VPS33B: variants seen among roughly 807,000 people sequenced by gnomAD.
VPS33B encodes the protein vacuolar protein sorting-associated protein 33B.
In VPS33B, 80 loss-of-function variants were observed where a neutral mutation model predicts 95.3. That is an observed-to-expected ratio of 0.84 (90% CI 0.70 to 1.01). VPS33B has a LOEUF of 1.01. Ranked by LOEUF, VPS33B falls within the 50% of genes least tolerant of loss-of-function variation. VPS33B has a pLI of 0.00. For synonymous variants in VPS33B, 280 were observed against 280.4 expected (o/e 1.00, Z 0.01); for missense variants, 715 against 773.4 (o/e 0.92, Z 0.90).
chr15:91,007,564 G>A lies in VPS33B; in HGVS notation c.508C>T (p.Gln170Ter), dbSNP rs139582205. ...TGAGCTACAGTGTTGATCCAACGCT[G>A]ATCTCCTTCCTGCAGGGACCACACA... The part of the protein sequence containing the change: ...FFRDYFLEGD[Q>*]RWINTVAQAL... Residue 170 changes from glutamine (Q) to a stop codon, truncating the protein, a stop_gained, in exon 8 of 23, where the codon CAG becomes TAG. Coordinates refer to ENST00000333371, the MANE Select transcript of VPS33B (RefSeq NM_018668.5). LOFTEE classifies it high-confidence loss of function. The surrounding 1 kb of genome is among the most constrained non-coding windows in gnomAD (Gnocchi z 5.3). The A allele has an allele frequency of 6.2e-7, 1 of 1,614,082 alleles. No homozygotes were observed. Among genetic ancestry groups the A allele is most frequent in the South Asian group, 1.1e-5 (1 of 91,074 alleles).
downstream of VPS33B, chr15:90,998,672 A>G (rs2040342557): frequency 4.5e-6 from 2 of 447,712 alleles, no homozygotes; most frequent in South Asian, 2.1e-5. The surrounding 1 kb of genome is among the most constrained non-coding windows in gnomAD (Gnocchi z 4.8). Flanking sequence ...CGACCAACGT[A>G]TTACATCTGA....
Position 91,022,509 on chromosome 15 carries a change from GTC to G in VPS33B, c.-262_-261del. On this transcript the variant is annotated 5_prime_UTR_variant, in exon 1 of 23. Transcript: ENST00000333371. ...CCTCCCTCCCTGATCCACTCTGCCC[GTC>G]AGCAGGATTCCGGTCTACACCCCGC... The G allele has an allele frequency of 5.5e-6, 2 of 365,878 alleles. No individual in the cohort carries two copies. Among genetic ancestry groups the G allele is most frequent in the Admixed American group, 4.3e-5 (1 of 23,150 alleles). 22.7% of individuals were successfully genotyped at this position (365,878 alleles called of 1,614,324 possible). A position where few individuals can be genotyped will look rare whatever the true frequency, so the allele number is the denominator to read the frequency against.
chr15:91,009,966 G>T lies in VPS33B; in HGVS notation c.358-120C>A. ...TTGCCGAACCCAGTGAAAGACAAGA[G>T]AACCCAGACTCTTAAGATCTAGAAA... On this transcript the variant is annotated intron_variant, in intron 5 of 22. Coordinates refer to ENST00000333371, the MANE Select transcript of VPS33B (RefSeq NM_018668.5). The surrounding 1 kb of genome is among the most constrained non-coding windows in gnomAD (Gnocchi z 4.1). 9.3e-7 allele frequency: 1 copy of T among 1,076,136 alleles called. No individual in the cohort carries two copies. Among genetic ancestry groups the T allele is most frequent in the Non-Finnish European group, 1.4e-6 (1 of 704,306 alleles). The allele number at this position is 1,076,136 out of a possible 1,614,324, so 66.7% of individuals were successfully genotyped here. A position where few individuals can be genotyped will look rare whatever the true frequency, so the allele number is the denominator to read the frequency against.
rs1432818958 is a variant in VPS33B, at chr15:91,018,777, C to T, written c.97-892G>A. On this transcript the variant is annotated intron_variant, in intron 1 of 22. Coordinates refer to ENST00000333371, the MANE Select transcript of VPS33B (RefSeq NM_018668.5). The surrounding 1 kb of genome is among the most constrained non-coding windows in gnomAD (Gnocchi z 4.7). ...CCCAAAAAGTCAACAGTATAGAGAG[C>T]AGGAAATCTTTTTTTTTAAATCTTA... 6.6e-6 allele frequency among the ~76,000 whole-genome samples: 1 copy of T among 151,958 alleles called. No individual in the cohort carries two copies. The highest frequency in any genetic ancestry group is 2.4e-5 in the African/African-American group (1 of 41,396).
intron 1 of VPS33B, among the ~76,000 whole-genome samples, chr15:91,019,692 A>C (rs1417893822): frequency 6.6e-6 from 1 of 152,244 alleles, no homozygotes; most frequent in African/African-American, 2.4e-5. Context: ...GAGTCCACTT[A>C]GGGAGTTAAT....
chr15:91,003,671 C>T (rs1260992940), intron 16 of VPS33B, among the ~76,000 whole-genome samples: 3 of 152,162 alleles, frequency 2.0e-5, no homozygotes, highest in Non-Finnish European at 2.9e-5. Context: ...AACTCCTGAT[C>T]TCAAGATCCG....
chr15:91,022,254 G>C lies in VPS33B; in HGVS notation c.-5C>G. The C allele has an allele frequency of 1.3e-6, 2 of 1,555,000 alleles. No individual in the cohort carries two copies. The highest frequency in any genetic ancestry group is 4.7e-5 in the East Asian group (2 of 42,234). The stretch of plus-strand genomic sequence containing the variant: ...CGGCCGATGGGGAAAAGCCATGGCA[G>C]CGGTCACCTGCGCCGCGGGGTGGAA... On this transcript the variant is annotated 5_prime_UTR_variant, in exon 1 of 23. Coordinates refer to ENST00000333371, the MANE Select transcript of VPS33B (RefSeq NM_018668.5).
Position 91,011,266 on chromosome 15 carries a change from G to T in VPS33B, c.358-1420C>A, listed in dbSNP as rs1436444333. 6.6e-6 allele frequency among the ~76,000 whole-genome samples: 1 copy of T among 152,212 alleles called. No individual in the cohort carries two copies. Among genetic ancestry groups the T allele is most frequent in the East Asian group, 1.9e-4 (1 of 5,194 alleles). On this transcript the variant is annotated intron_variant, in intron 5 of 22. Coordinates refer to ENST00000333371, the MANE Select transcript of VPS33B (RefSeq NM_018668.5). This position sits in a 1 kb window ranked among gnomAD's most constrained non-coding sequence, Gnocchi z 5.5. Reference sequence around the variant, plus strand: ...GTTGACATTATTAACAGCTAATGTTGTAAGCCCTTAAAATGGTTTAGGCAT... The same window carrying T: ...GTTGACATTATTAACAGCTAATGTTTTAAGCCCTTAAAATGGTTTAGGCAT...
chr15:91,008,714 GAC>G (rs976341088), intron 6 of VPS33B, among the ~76,000 whole-genome samples: 9 of 152,136 alleles, frequency 5.9e-5, no homozygotes, highest in African/African-American at 1.9e-4. Context: ...GACAAATTAT[GAC>G]ACAAACTATT....
At position 91,015,280 on chromosome 15, in the gene VPS33B, G is replaced by A. The variant is rs1373133065; in HGVS notation, c.240-847C>T. The stretch of plus-strand genomic sequence containing the variant: ...GAACCCAGGAGGTGGAGGTTACAGT[G>A]AGCCCAGATCGCGCCATTGCTCTCC... On this transcript the variant is annotated intron_variant, in intron 3 of 22. Transcript: ENST00000333371. This position sits in a 1 kb window ranked among gnomAD's most constrained non-coding sequence, Gnocchi z 4.7. 6.6e-6 allele frequency among the ~76,000 whole-genome samples: 1 copy of A among 152,054 alleles called. No individual in the cohort carries two copies. The highest frequency in any genetic ancestry group is 1.5e-5 in the Non-Finnish European group (1 of 68,036).
At position 90,999,182 on chromosome 15, in the gene VPS33B, T is replaced by C; in HGVS notation, c.1775-128A>G. 1.2e-6 allele frequency: 1 copy of C among 854,316 alleles called. No individual in the cohort carries two copies. Among genetic ancestry groups the C allele is most frequent in the East Asian group, 2.6e-5 (1 of 37,920 alleles). The allele number at this position is 854,316 out of a possible 1,614,324, so 52.9% of individuals were successfully genotyped here. On this transcript the variant is annotated intron_variant, in intron 22 of 22. Coordinates refer to ENST00000333371, the MANE Select transcript of VPS33B (RefSeq NM_018668.5). This position sits in a 1 kb window ranked among gnomAD's most constrained non-coding sequence, Gnocchi z 5.1. ...ACCAGTTTATAGACAGAGACGTGAG[T>C]GCCATGCTCTTGGGCACCACTGCTT...
Position 91,006,668 on chromosome 15 carries a change from G to A in VPS33B, c.762C>T (p.Thr254=). 6.2e-7 allele frequency: 1 copy of A among 1,614,184 alleles called. No homozygotes were observed. Among genetic ancestry groups the A allele is most frequent in the Non-Finnish European group, 8.5e-7 (1 of 1,180,044 alleles). ...AGCACTTACCACACTTGATGCGGAAGGTGTCATCTACTAGGCCCTCATAAA... is the reference window on the plus strand; with the variant it reads ...AGCACTTACCACACTTGATGCGGAAAGTGTCATCTACTAGGCCCTCATAAA... ...QVVYEGLVDD[T]FRIKCGSVDF... The change falls in exon 10 of 23, where the codon ACC becomes ACT. Residue 254 remains threonine (T), a synonymous_variant. Coordinates refer to ENST00000333371, the MANE Select transcript of VPS33B (RefSeq NM_018668.5). The surrounding 1 kb of genome is among the most constrained non-coding windows in gnomAD (Gnocchi z 5.4).
In VPS33B at chr15:91,010,260, GAC is replaced by G. The variant is rs1489549686; in HGVS notation, c.358-416_358-415del. Reference sequence around the variant, plus strand: ...AGGACATGCCCACGGGACCTTGGGAGACACAGACAAGGACTTGGGATTAAGTA... The same window carrying G: ...AGGACATGCCCACGGGACCTTGGGAGACAGACAAGGACTTGGGATTAAGTA... On this transcript the variant is annotated intron_variant, in intron 5 of 22. Transcript: ENST00000333371. The surrounding 1 kb of genome is among the most constrained non-coding windows in gnomAD (Gnocchi z 5.7). 6.6e-6 allele frequency among the ~76,000 whole-genome samples: 1 copy of G among 152,216 alleles called. No individual in the cohort carries two copies. Among genetic ancestry groups the G allele is most frequent in the Non-Finnish European group, 1.5e-5 (1 of 68,044 alleles).
Position 91,000,025 on chromosome 15 carries a change from A to G in VPS33B, c.1582-50T>C. On this transcript the variant is annotated intron_variant, in intron 20 of 22. Transcript: ENST00000333371. The surrounding 1 kb of genome is among the most constrained non-coding windows in gnomAD (Gnocchi z 4.9). ...TAAGGCTACAGACAGTATCAGGCTT[A>G]GGAAAGGAAGGGCACAGCAGCCAGA... is the stretch of plus-strand genomic sequence containing the variant. 6.2e-7 allele frequency: 1 copy of G among 1,607,958 alleles called. No individual in the cohort carries two copies. The highest frequency in any genetic ancestry group is 8.5e-7 in the Non-Finnish European group (1 of 1,175,882).
Position 90,999,611 on chromosome 15 carries a change from G to T in VPS33B, c.1774+66C>A. Reference sequence around the variant, plus strand: ...TGAGATTACAGGTATGAACCACCGTGCCCAGCTGACACTTTGTTACCCAGA... The same window carrying T: ...TGAGATTACAGGTATGAACCACCGTTCCCAGCTGACACTTTGTTACCCAGA... On this transcript the variant is annotated intron_variant, in intron 22 of 22. Coordinates refer to ENST00000333371, the MANE Select transcript of VPS33B (RefSeq NM_018668.5). The surrounding 1 kb of genome is among the most constrained non-coding windows in gnomAD (Gnocchi z 5.1). The T allele has an allele frequency of 6.5e-7, 1 of 1,539,064 alleles. No individual in the cohort carries two copies. The highest frequency in any genetic ancestry group is 9.0e-7 in the Non-Finnish European group (1 of 1,114,054).
In VPS33B at chr15:91,013,155, G is replaced by A. The variant is rs138643040; in HGVS notation, c.357+649C>T. On this transcript the variant is annotated intron_variant, in intron 5 of 22. Transcript: ENST00000333371. The surrounding 1 kb of genome is among the most constrained non-coding windows in gnomAD (Gnocchi z 4.5). ...GAGTTTGTGTTAGGGATACAGAGCAGGTTCTACCTCGCAAGCGTGAAGCTT... is the reference window on the plus strand; with the variant it reads ...GAGTTTGTGTTAGGGATACAGAGCAAGTTCTACCTCGCAAGCGTGAAGCTT... 3.3e-5 allele frequency among the ~76,000 whole-genome samples: 5 copies of A among 152,282 alleles called. No homozygotes were observed. In the East Asian group the frequency reaches 7.7e-4, roughly 23 times the overall value.
rs1750667467 is a variant in VPS33B, at chr15:91,010,621, T to C, written c.358-775A>G. Among the ~76,000 whole-genome samples the C allele has an allele frequency of 6.6e-6, 1 of 151,942 alleles. No individual in the cohort carries two copies. Among genetic ancestry groups the C allele is most frequent in the South Asian group, 2.1e-4 (1 of 4,814 alleles). Reference sequence around the variant, plus strand: ...GTCTCAAATAAATAAATAAAGTAGATGGTCTGTCCAAGAGAAAAGAACACG... The same window carrying C: ...GTCTCAAATAAATAAATAAAGTAGACGGTCTGTCCAAGAGAAAAGAACACG... On this transcript the variant is annotated intron_variant, in intron 5 of 22. Coordinates refer to ENST00000333371, the MANE Select transcript of VPS33B (RefSeq NM_018668.5). This position sits in a 1 kb window ranked among gnomAD's most constrained non-coding sequence, Gnocchi z 5.7.
intron 15 of VPS33B, 45 bp from the exon 16 acceptor site, chr15:91,004,976 C>T (rs776294374): frequency 1.7e-5 from 27 of 1,614,048 alleles, no homozygotes; most frequent in Admixed American, 3.3e-5. Flanking sequence ...CTTCACAACA[C>T]GTGTTCTTTT....
In VPS33B at chr15:91,007,744, C is replaced by T; in HGVS notation, c.498+126G>A. Reference sequence around the variant, plus strand: ...GAGACCAATCTGTAGCACTCAATCACCACATCACTATCACTTGTGATAAAT... The same window carrying T: ...GAGACCAATCTGTAGCACTCAATCATCACATCACTATCACTTGTGATAAAT... On this transcript the variant is annotated intron_variant, in intron 7 of 22. Coordinates refer to ENST00000333371, the MANE Select transcript of VPS33B (RefSeq NM_018668.5). The surrounding 1 kb of genome is among the most constrained non-coding windows in gnomAD (Gnocchi z 5.3). 8.6e-7 allele frequency: 1 copy of T among 1,167,086 alleles called. No homozygotes were observed. The highest frequency in any genetic ancestry group is 1.2e-5 in the South Asian group (1 of 81,574). 72.3% of individuals were successfully genotyped at this position (1,167,086 alleles called of 1,614,324 possible). A position where few individuals can be genotyped will look rare whatever the true frequency, so the allele number is the denominator to read the frequency against.
Sources: gnomAD v4.1 joint callset for allele counts (sites outside exome capture counted in the v4.1 genomes callset) on GRCh38, gnomAD v4.1.1 for gene constraint, Gnocchi (gnomAD v3.1) non-coding constraint, MANE v1.5 for transcripts, NCBI Gene and HGNC (gene_info 2026-07-23, HGNC 2026-07-21) for gene names.